Variants in FAR1 observed in about 807,000 individuals in gnomAD.
The protein encoded by FAR1 is male sterility domain-containing protein 2.
In FAR1, 22 loss-of-function variants were observed where a neutral mutation model predicts 61.1. That is an observed-to-expected ratio of 0.36 (90% CI 0.26 to 0.51). The LOEUF (loss-of-function observed/expected upper bound fraction) is 0.51, where lower values mean the gene tolerates loss of function less well. Ranked by LOEUF, FAR1 falls within the 20% of genes least tolerant of loss-of-function variation. The pLI is 0.95. For synonymous variants in FAR1, 206 were observed against 209.7 expected (o/e 0.98, Z 0.15); for missense variants, 359 against 626.9 (o/e 0.57, Z 4.56).
intron 1 of FAR1, among the ~76,000 whole-genome samples, chr11:13,683,111 A>C (rs1272144001): frequency 6.6e-6 from 1 of 152,178 alleles, no homozygotes; most frequent in Admixed American, 6.5e-5. Flanking sequence ...AAATAATGAC[A>C]GCTGGGAGTG....
At position 13,668,685 on chromosome 11, in the gene FAR1, C is replaced by A; in HGVS notation, c.-129C>A. The A allele has an allele frequency of 6.5e-6, 1 of 153,564 alleles. No homozygotes were observed. The highest frequency in any genetic ancestry group is 1.8e-4 in the South Asian group (1 of 5,558). The allele number at this position is 153,564 out of a possible 1,614,324, so 9.5% of individuals were successfully genotyped here. ...ATGGGCGTGCCACTGCCCGTCCGCT[C>A]TTCAGCAGCCGGTCGCGGGCGGTGG... On this transcript the variant is annotated 5_prime_UTR_variant, in exon 1 of 12. Transcript: ENST00000354817.
chr11:13,714,443 T>C (rs759294335), intron 8 of FAR1, 66 bp from the exon 9 acceptor site: 15 of 896,520 alleles, frequency 1.7e-5, no homozygotes, highest in East Asian at 9.7e-5. Flanking sequence ...AAAAACATGA[T>C]TTTTTTTTTT....
intron 1 of FAR1, among the ~76,000 whole-genome samples, chr11:13,687,113 T>C (rs1395540206): frequency 6.6e-6 from 1 of 152,194 alleles, no homozygotes; most frequent in African/African-American, 2.4e-5. Context: ...AATGCAAATA[T>C]GTGATAATTT....
At chr11:13,692,739 C>G (rs562170259) in intron 1 of FAR1, among the ~76,000 whole-genome samples, 2 of 152,192 alleles carry the variant, frequency 1.3e-5, no homozygotes, top group South Asian at 4.1e-4. Flanking sequence ...TGTACTTACA[C>G]CTGAATTTCC....
At chr11:13,693,035 TCAAA>T (rs1294547450) in intron 1 of FAR1, among the ~76,000 whole-genome samples, 1 of 152,178 alleles carries the variant, frequency 6.6e-6, no homozygotes, top group Non-Finnish European at 1.5e-5. Flanking sequence ...GTCTGTTTTC[TCAAA>T]AGAGCTTTTC....
intron 1 of FAR1, among the ~76,000 whole-genome samples, chr11:13,685,091 G>A (rs983164389): frequency 2.0e-5 from 3 of 152,012 alleles, no homozygotes; most frequent in African/African-American, 7.2e-5. Flanking sequence ...TGATATGTGC[G>A]TCTTACCTGA....
At chr11:13,704,751 A>T (rs1046223353) in intron 3 of FAR1, among the ~76,000 whole-genome samples, 1 of 152,162 alleles carries the variant, frequency 6.6e-6, no homozygotes, top group Admixed American at 6.5e-5. Flanking sequence ...AAATGGCAGT[A>T]GTAGTGATAA....
Position 13,721,037 on chromosome 11 carries a change from T to TTTA in FAR1, c.1128-692_1128-690dup, listed in dbSNP as rs1223918285. ...TCACAGTCTTTCTTTAAAGACACAC[T>TTTA]TTAAAAAGAGTGTCACACTCCTTTA... On this transcript the variant is annotated intron_variant, in intron 9 of 11. Transcript: ENST00000354817. The surrounding 1 kb of genome is among the most constrained non-coding windows in gnomAD (Gnocchi z 4.2). The TTTA allele has an allele frequency of 6.6e-6, 1 of 152,142 alleles. No individual in the cohort carries two copies. Among genetic ancestry groups the TTTA allele is most frequent in the Non-Finnish European group, 1.5e-5 (1 of 67,982 alleles). 9.4% of individuals were successfully genotyped at this position (152,142 alleles called of 1,614,324 possible).
chr11:13,730,514 A>C lies in FAR1; in HGVS notation c.*1740A>C, dbSNP rs1848712897. 1 of 152,210 alleles carries C rather than the reference A, an allele frequency of 6.6e-6. No individual in the cohort carries two copies. Among genetic ancestry groups the C allele is most frequent in the South Asian group, 2.1e-4 (1 of 4,828 alleles). 9.4% of individuals were successfully genotyped at this position (152,210 alleles called of 1,614,324 possible). A position where few individuals can be genotyped will look rare whatever the true frequency, so the allele number is the denominator to read the frequency against. On this transcript the variant is annotated 3_prime_UTR_variant, in exon 12 of 12. Transcript: ENST00000354817. ...CCATGACAATGTCTGAAAATGGAAT[A>C]GATAATGATGCCTTTTATTTAAAGT...
chr11:13,690,963 T>G (rs1800231856), intron 1 of FAR1, among the ~76,000 whole-genome samples: 1 of 152,220 alleles, frequency 6.6e-6, no homozygotes, highest in African/African-American at 2.4e-5. Context: ...TTTTAAAAAA[T>G]AATTTATTGA....
intron 9 of FAR1, among the ~76,000 whole-genome samples, chr11:13,716,585 T>C (rs2134195564): frequency 6.6e-6 from 1 of 152,142 alleles, no homozygotes; most frequent in South Asian, 2.1e-4. Context: ...ATGATAGCCT[T>C]AGGGGAATTA....
intron 1 of FAR1, chr11:13,669,546 TTTATG>T (rs1286363018): frequency 2.0e-5 from 3 of 152,058 alleles, no homozygotes; most frequent in Non-Finnish European, 4.4e-5. Context: ...ACGCGGTAGA[TTTATG>T]TGTGGTAGGT....
chr11:13,698,197 T>A (rs1340949034), intron 2 of FAR1, among the ~76,000 whole-genome samples: 4 of 152,178 alleles, frequency 2.6e-5, no homozygotes, highest in Non-Finnish European at 2.9e-5. Flanking sequence ...AAACAGTACT[T>A]CTTTCTCTCC....
In FAR1 at chr11:13,721,823, T is replaced by C. The variant is rs774075062; in HGVS notation, c.1221T>C (p.Asn407=). The C allele has an allele frequency of 5.0e-6, 8 of 1,610,026 alleles. No homozygotes were observed. The highest frequency in any genetic ancestry group is 3.4e-5 in the Admixed American group (2 of 59,440). Residue 407 remains asparagine, a synonymous_variant, in exon 10 of 12, where the codon AAT becomes AAC. Transcript: ENST00000354817. This position sits in a 1 kb window ranked among gnomAD's most constrained non-coding sequence, Gnocchi z 4.2. ...GGGTTTGGAATACTGAGAATGTCAA[T>C]ATGTTAATGAATCAACTAAACCCTG... The part of the protein sequence containing the change: ...NSWVWNTENV[N]MLMNQLNPED...
rs776743711 is a variant in FAR1, at chr11:13,708,037, A to T, written c.503A>T (p.Tyr168Phe). The change falls in exon 4 of 12, where the codon TAT becomes TTT. Residue 168 changes from tyrosine to phenylalanine, a missense_variant. Physicochemically the swap from Tyr to Phe is conservative, Grantham distance 22. Transcript: ENST00000354817. ...CGCAAGCATATTGATGAAGTAGTCT[A>T]TCCACCACCTGTGGATCCCAAGAAG... ...CNRKHIDEVV[Y>F]PPPVDPKKLI... is the part of the protein sequence containing the mutation. 1 of 1,607,338 alleles carries T rather than the reference A, an allele frequency of 6.2e-7. No individual in the cohort carries two copies. The highest frequency in any genetic ancestry group is 8.5e-7 in the Non-Finnish European group (1 of 1,176,918).
chr11:13,689,435 G>A (rs1219672543), intron 1 of FAR1, among the ~76,000 whole-genome samples: 2 of 152,090 alleles, frequency 1.3e-5, no homozygotes, highest in African/African-American at 2.4e-5. Context: ...CTAGCTCAAC[G>A]CTCCCTTTGT....
At chr11:13,694,637 T>A in intron 1 of FAR1, 122 bp from the exon 2 acceptor site, 2 of 783,352 alleles carry the variant, frequency 2.6e-6, no homozygotes, top group South Asian at 4.0e-5. Flanking sequence ...CCTCTCTTGT[T>A]AATGTTCTAT....
chr11:13,700,366 T>C lies in FAR1; in HGVS notation c.239T>C (p.Ile80Thr), dbSNP rs1191653147. ...AATCCAGATTTTAGAGAGAAAATTA[T>C]AGCAATCAACAGCGAACTCACCCAA... is the stretch of plus-strand genomic sequence containing the variant. ...DENPDFREKI[I>T]AINSELTQPK... The change falls in exon 3 of 12, where the codon ATA becomes ACA. Residue 80 changes from isoleucine to threonine, a missense_variant. Physicochemically the swap from Ile to Thr is moderately conservative, Grantham distance 89. Coordinates refer to ENST00000354817, the MANE Select transcript of FAR1 (RefSeq NM_032228.6). 2.0e-5 allele frequency: 32 copies of C among 1,598,678 alleles called. No homozygotes were observed. The highest frequency in any genetic ancestry group is 3.5e-5 in the Admixed American group (2 of 56,348).
At chr11:13,708,447 G>GCGCGCACACACA (rs139902063) in intron 4 of FAR1, among the ~76,000 whole-genome samples, 339 of 136,714 alleles carry the variant, frequency 2.5e-3, no homozygotes, top group Middle Eastern at 3.8e-3. Flanking sequence ...GCGCGCGCGC[G>GCGCGCACACACA]CACACACACA....
Sources: allele counts gnomAD v4.1 joint callset (sites outside exome capture counted in the v4.1 genomes callset), GRCh38; gene constraint gnomAD v4.1.1; non-coding constraint Gnocchi (gnomAD v3.1); transcripts MANE v1.5; gene names NCBI Gene and HGNC (gene_info 2026-07-23, HGNC 2026-07-21).